Variants in NFAT5 observed in about 807,000 individuals in gnomAD.
The protein encoded by NFAT5 is nuclear factor of activated T-cells 5.
NFAT5 carries 31 observed loss-of-function variants against 166.5 expected under a neutral mutation model. The ratio of observed to expected loss-of-function variants is 0.19; its 90% CI spans 0.14 to 0.25. The LOEUF is 0.25. Among genes scored for constraint, NFAT5 ranks in the 10% least tolerant of loss-of-function variants. The probability of loss-of-function intolerance (pLI) is 1.00; values close to 1 mark genes in which losing one functional copy is unlikely to be tolerated. For synonymous variants in NFAT5, 612 were observed against 639.7 expected, an observed-to-expected ratio of 0.96 and a Z score of 0.65; for missense variants, 1,449 against 1,821.8, an observed-to-expected ratio of 0.80 and a Z score of 3.72.
At chr16:69,588,381 G>A (rs1310641572) in intron 2 of NFAT5, among the ~76,000 whole-genome samples, 2 of 152,172 alleles carry the variant, frequency 1.3e-5, no homozygotes, top group Non-Finnish European at 2.9e-5. Flanking sequence ...TGTAATCAGG[G>A]TTGCCTGTAT....
chr16:69,667,734 A>T (rs891348854), intron 7 of NFAT5, among the ~76,000 whole-genome samples: 1 of 151,282 alleles, frequency 6.6e-6, no homozygotes, highest in African/African-American at 2.5e-5. Flanking sequence ...TTTTGGTAAT[A>T]CAATATATTA....
intron 9 of NFAT5, among the ~76,000 whole-genome samples, chr16:69,675,716 C>T (rs1167592263): frequency 1.3e-5 from 2 of 152,016 alleles, no homozygotes; most frequent in Non-Finnish European, 2.9e-5. Context: ...CTTGGCTCAC[C>T]TCAACCTCCG....
At chr16:69,622,491 T>G (rs958050660) in intron 2 of NFAT5, among the ~76,000 whole-genome samples, 35 of 152,284 alleles carry the variant, frequency 2.3e-4, no homozygotes, top group African/African-American at 7.9e-4. Flanking sequence ...GGGCAGACTT[T>G]GGAGAGGGGT....
At chr16:69,642,820 AAAAAG>A (rs148109888) in intron 3 of NFAT5, among the ~76,000 whole-genome samples, 7,429 of 151,698 alleles carry the variant, frequency 0.049, 588 homozygotes, top group African/African-American at 0.17. Context: ...GTGTCTCAAA[AAAAAG>A]AAAAGAAAAG....
At position 69,666,715 on chromosome 16, in the gene NFAT5, C is replaced by T. The variant is rs1472595150; in HGVS notation, c.1370-3262C>T. On this transcript the variant is annotated intron_variant, in intron 7 of 14. Coordinates refer to ENST00000349945, the MANE Select transcript of NFAT5 (RefSeq NM_138713.4). The stretch of plus-strand genomic sequence containing the variant: ...GTGGAGAAATAGGAACACTTTTACA[C>T]TGTTGGTGGGACTGTAAACTAGTTC... Among the ~76,000 whole-genome samples the T allele has an allele frequency of 5.3e-5, 8 of 151,710 alleles. No homozygotes were observed. The East Asian group carries it at 1.4e-3, about 26-fold the overall frequency.
At chr16:69,600,405 G>A (rs1271937520) in intron 2 of NFAT5, among the ~76,000 whole-genome samples, 1 of 152,090 alleles carries the variant, frequency 6.6e-6, no homozygotes, top group East Asian at 1.9e-4. Context: ...GAAGACAACT[G>A]TAGTACTAAG....
chr16:69,658,095 A>AG (rs2035968377), intron 6 of NFAT5, among the ~76,000 whole-genome samples: 1 of 151,430 alleles, frequency 6.6e-6, no homozygotes, highest in East Asian at 1.9e-4. Context: ...AAAAAAAAAA[A>AG]TAAATAAAGT....
At chr16:69,629,469 G>A (rs193039381) in intron 3 of NFAT5, among the ~76,000 whole-genome samples, 101 of 152,044 alleles carry the variant, frequency 6.6e-4, no homozygotes, top group Non-Finnish European at 1.3e-3. Flanking sequence ...ATACTTTTAT[G>A]CACTCCCATC....
At chr16:69,625,007 C>T (rs1398697957) in intron 2 of NFAT5, among the ~76,000 whole-genome samples, 2 of 151,806 alleles carry the variant, frequency 1.3e-5, no homozygotes, top group East Asian at 1.9e-4. Context: ...TCAAGTGATT[C>T]TCCTGCTTCA....
chr16:69,692,686 C>G lies in NFAT5; in HGVS notation c.2861C>G (p.Ser954Cys). 1.2e-6 allele frequency: 2 copies of G among 1,614,232 alleles called. No homozygotes were observed. The highest frequency in any genetic ancestry group is 1.7e-6 in the Non-Finnish European group (2 of 1,180,046). ...LQQSPVYQQTSHMMSALSTNE... is the reference protein window; with the variant it reads ...LQQSPVYQQTCHMMSALSTNE... The stretch of plus-strand genomic sequence containing the variant: ...CAATCGCCAGTTTACCAGCAGACTT[C>G]TCACATGATGAGTGCATTGTCTACC... The change falls in exon 13 of 15, where the codon TCT (serine) becomes TGT (cysteine). Residue 954 changes from serine (S) to cysteine (C), a missense_variant. This residue lies in a region of NFAT5 where 891 missense variants were observed against 993.0 expected (regional missense o/e 0.90). Transcript: ENST00000349945.
At chr16:69,672,052 C>G (rs1309309044) in intron 9 of NFAT5, among the ~76,000 whole-genome samples, 2 of 152,202 alleles carry the variant, frequency 1.3e-5, no homozygotes, top group Non-Finnish European at 2.9e-5. Flanking sequence ...TTGCAGGAAC[C>G]TAGAGATTAC....
chr16:69,661,557 AAAAAAAAAAAG>A (rs1475594443), intron 7 of NFAT5, among the ~76,000 whole-genome samples: 1 of 149,136 alleles, frequency 6.7e-6, no homozygotes, highest in East Asian at 2.0e-4. Context: ...AAAAAAAAAA[AAAAAAAAAAAG>A]GAAATTGTTC....
At chr16:69,572,841 T>C (rs909595125) in intron 2 of NFAT5, among the ~76,000 whole-genome samples, 14 of 152,252 alleles carry the variant, frequency 9.2e-5, no homozygotes, top group Admixed American at 8.5e-4. Flanking sequence ...TTGTTATTTA[T>C]TTATTTATTT....
chr16:69,692,251 G>A lies in NFAT5; in HGVS notation c.2426G>A (p.Ser809Asn). The A allele has an allele frequency of 1.2e-6, 2 of 1,614,164 alleles. No individual in the cohort carries two copies. Among genetic ancestry groups the A allele is most frequent in the Non-Finnish European group, 1.7e-6 (2 of 1,180,030 alleles). The part of the protein sequence containing the change: ...GSFTGSTASG[S>N]SGSVDLVQQV... ...TTCACAGGCAGTACTGCTAGTGGCA[G>A]CAGTGGAAGTGTTGACTTGGTCCAA... Residue 809 changes from serine (S) to asparagine (N), a missense_variant, in exon 13 of 15, where the codon AGC (serine) becomes AAC (asparagine). Transcript: ENST00000349945.
At chr16:69,661,270 G>T (rs1305878691) in intron 7 of NFAT5, among the ~76,000 whole-genome samples, 8 of 149,874 alleles carry the variant, frequency 5.3e-5, no homozygotes, top group African/African-American at 1.7e-4. Context: ...TTTTACTCCA[G>T]CTGTTTAAAC....
chr16:69,656,454 C>CTT (rs201048494), intron 6 of NFAT5, among the ~76,000 whole-genome samples: 5 of 142,908 alleles, frequency 3.5e-5, no homozygotes, highest in Admixed American at 7.0e-5. Flanking sequence ...GCTTTAAAAA[C>CTT]TTTTTTTTTT....
At chr16:69,573,930 A>G (rs1294590969) in intron 2 of NFAT5, among the ~76,000 whole-genome samples, 1 of 146,828 alleles carries the variant, frequency 6.8e-6, no homozygotes, top group Non-Finnish European at 1.5e-5. Flanking sequence ...CTGGAGTGCA[A>G]TGGTGCAATC....
At chr16:69,588,162 G>C (rs912179743) in intron 2 of NFAT5, among the ~76,000 whole-genome samples, 3 of 151,926 alleles carry the variant, frequency 2.0e-5, no homozygotes, top group Admixed American at 1.3e-4. Flanking sequence ...ATGTTGGCCA[G>C]GCTGGTCTCC....
intron 3 of NFAT5, chr16:69,632,453 G>A (rs2034762499): frequency 6.6e-6 from 1 of 152,074 alleles, no homozygotes; most frequent in South Asian, 2.1e-4. Context: ...CCTTAACTAG[G>A]CAATGTATAG....
Sources: gnomAD v4.1 joint callset for allele counts (sites outside exome capture counted in the v4.1 genomes callset) on GRCh38, gnomAD v4.1.1 for gene constraint, gnomAD v4.1.1 regional missense constraint, MANE v1.5 for transcripts, NCBI Gene and HGNC (gene_info 2026-07-23, HGNC 2026-07-21) for gene names.